CHST15: variants seen among roughly 807,000 people sequenced by gnomAD.
CHST15 encodes B cell RAG associated protein (GALNAC4S-6ST).
Under a neutral mutation model 53.6 loss-of-function variants are expected in CHST15, and 30 were observed. The observed-to-expected ratio is 0.56, with a 90% CI of 0.42 to 0.76. The LOEUF is 0.76. Ranked by LOEUF, CHST15 falls within the 30% of genes least tolerant of loss-of-function variation. The pLI is 0.00. For synonymous variants in CHST15, 296 were observed against 289.8 expected (o/e 1.02, Z -0.22); for missense variants, 627 against 740.5 (o/e 0.85, Z 1.78).
At chr10:124,077,795 C>G (rs1409686338) in intron 1 of CHST15, among the ~76,000 whole-genome samples, 3 of 152,218 alleles carry the variant, frequency 2.0e-5, no homozygotes, top group African/African-American at 4.8e-5. Flanking sequence ...GCAGCTCGCA[C>G]AGTCCTCTGG....
intron 1 of CHST15, among the ~76,000 whole-genome samples, chr10:124,060,026 G>C (rs1326112334): frequency 6.6e-6 from 1 of 152,156 alleles, no homozygotes; most frequent in Non-Finnish European, 1.5e-5. Context: ...TACTAAGCCT[G>C]CCAAGAGGTG....
chr10:124,035,441 CT>C (rs1164266584), intron 5 of CHST15, among the ~76,000 whole-genome samples: 1 of 150,936 alleles, frequency 6.6e-6, no homozygotes, highest in Non-Finnish European at 1.5e-5. Context: ...GCTCTACCCC[CT>C]AACAGGGACC....
rs1402947432 is a variant in CHST15 at position 124,036,885 on chromosome 10, C to T, written c.1190+1630G>A. On this transcript the variant is annotated intron_variant, in intron 5 of 7. Coordinates refer to ENST00000435907, the MANE Select transcript of CHST15 (RefSeq NM_001270764.2). The surrounding 1 kb of genome is among the most constrained non-coding windows in gnomAD (Gnocchi z 5.1). ...AGAAGGGGTCCCAGGGGTCAGTTTC[C>T]CGGGGCTGCCAGGACAAATCACCAC... Among the ~76,000 whole-genome samples, 1 of 152,168 alleles carries T rather than the reference C, an allele frequency of 6.6e-6. No individual in the cohort carries two copies. Among genetic ancestry groups the T allele is most frequent in the African/African-American group, 2.4e-5 (1 of 41,436 alleles).
At chr10:124,015,889 C>T (rs1411742494) in intron 6 of CHST15, among the ~76,000 whole-genome samples, 1 of 152,186 alleles carries the variant, frequency 6.6e-6, no homozygotes, top group Non-Finnish European at 1.5e-5. Flanking sequence ...CAAGTCTCCC[C>T]GACCCCAGAG....
chr10:124,089,630 G>A (rs1056802465), intron 1 of CHST15, among the ~76,000 whole-genome samples: 2 of 151,990 alleles, frequency 1.3e-5, no homozygotes, highest in East Asian at 3.9e-4. Context: ...TCAGGGGGTG[G>A]GTGCCTCCCA....
intron 1 of CHST15, among the ~76,000 whole-genome samples, chr10:124,060,278 C>T (rs1238860805): frequency 1.3e-5 from 2 of 149,730 alleles, no homozygotes; most frequent in Non-Finnish European, 3.0e-5. Context: ...AAGTGTACCT[C>T]CCCCAGGAGT....
intron 1 of CHST15, among the ~76,000 whole-genome samples, chr10:124,059,591 T>C (rs1295545514): frequency 6.6e-6 from 1 of 152,176 alleles, no homozygotes; most frequent in African/African-American, 2.4e-5. Context: ...CCGGCCCAGA[T>C]GTCCTTCAGG....
At chr10:124,034,907 T>TACCCTGGCTTCATCCCCTAACAGGG (rs1947392518) in intron 5 of CHST15, among the ~76,000 whole-genome samples, 1 of 83,566 alleles carries the variant, frequency 1.2e-5, no homozygotes. Flanking sequence ...CCCTGATAGG[T>TACCCTGGCTTCATCCCCTAACAGGG]ACCCTGGCTT....
intron 3 of CHST15, among the ~76,000 whole-genome samples, chr10:124,044,166 T>TTGGGAGCGGCACAGAGC (rs1947863881): frequency 2.2e-5 from 3 of 139,076 alleles, no homozygotes; most frequent in Non-Finnish European, 4.6e-5. Context: ...GGCACAGAGC[T>TTGGGAGCGGCACAGAGC]TGGGAGCGGC....
At chr10:124,055,554 G>C (rs1163700940) in intron 1 of CHST15, among the ~76,000 whole-genome samples, 2 of 152,160 alleles carry the variant, frequency 1.3e-5, no homozygotes, top group Non-Finnish European at 2.9e-5. Context: ...AAAGGCAGGT[G>C]GCCACACAGA....
intron 5 of CHST15, among the ~76,000 whole-genome samples, chr10:124,021,623 C>G (rs1946794642): frequency 1.3e-5 from 2 of 152,156 alleles, no homozygotes; most frequent in South Asian, 4.1e-4. Flanking sequence ...CAGACCCAGA[C>G]ATGTCTATAC....
chr10:124,085,664 G>A (rs1188109063), intron 1 of CHST15, among the ~76,000 whole-genome samples: 1 of 152,220 alleles, frequency 6.6e-6, no homozygotes, highest in Non-Finnish European at 1.5e-5. Context: ...GCCTCATCAG[G>A]CTGGGAGAGC....
intron 5 of CHST15, among the ~76,000 whole-genome samples, chr10:124,030,608 G>C (rs1455285987): frequency 2.0e-5 from 3 of 152,194 alleles, no homozygotes; most frequent in Non-Finnish European, 2.9e-5. Context: ...CTTTGAGATG[G>C]TTTAAATCAA....
intron 1 of CHST15, among the ~76,000 whole-genome samples, chr10:124,063,706 A>G (rs4636595): frequency 0.38 from 58,445 of 151,960 alleles, 11,696 homozygotes; most frequent in African/African-American, 0.5. Context: ...TTCAATAAAT[A>G]TTATAACAAA....
chr10:124,063,283 C>T (rs1348655598), intron 1 of CHST15, among the ~76,000 whole-genome samples: 4 of 151,874 alleles, frequency 2.6e-5, no homozygotes, highest in East Asian at 1.9e-4. Flanking sequence ...CTCGGGAGGC[C>T]GAGGCAGGAG....
intron 1 of CHST15, among the ~76,000 whole-genome samples, chr10:124,090,107 C>G (rs1949562026): frequency 6.6e-6 from 1 of 152,216 alleles, no homozygotes; most frequent in Non-Finnish European, 1.5e-5. Flanking sequence ...GTGCCCTGCT[C>G]TCTGATGCAG....
At chr10:124,044,154 A>C (rs1412210705) in intron 3 of CHST15, among the ~76,000 whole-genome samples, 18 of 149,506 alleles carry the variant, frequency 1.2e-4, no homozygotes, top group African/African-American at 3.3e-4. Flanking sequence ...AGAGCAGGAA[A>C]CGGCACAGAG....
chr10:124,060,328 G>C (rs1010670657), intron 1 of CHST15, among the ~76,000 whole-genome samples: 3 of 150,340 alleles, frequency 2.0e-5, no homozygotes, highest in Non-Finnish European at 4.4e-5. Flanking sequence ...GAAACGTGTT[G>C]TGCCAGGATC....
chr10:124,013,078 T>C (rs1016454681), intron 6 of CHST15, among the ~76,000 whole-genome samples: 3 of 152,232 alleles, frequency 2.0e-5, no homozygotes, highest in Non-Finnish European at 4.4e-5. Flanking sequence ...CCTTCTCTCG[T>C]GCCTTACTGC....
Sources: allele counts gnomAD v4.1 joint callset (sites outside exome capture counted in the v4.1 genomes callset), GRCh38; gene constraint gnomAD v4.1.1; non-coding constraint Gnocchi (gnomAD v3.1); transcripts MANE v1.5; gene names NCBI Gene and HGNC (gene_info 2026-07-23, HGNC 2026-07-21).